ITGA9: variants seen among roughly 807,000 people sequenced by gnomAD.
The protein encoded by ITGA9 is integrin alpha-9.
In ITGA9, 56 loss-of-function variants were observed where a neutral mutation model predicts 127.8. That is an observed-to-expected ratio of 0.44 (90% CI 0.35 to 0.55). The LOEUF (loss-of-function observed/expected upper bound fraction) is 0.55, where lower values mean the gene tolerates loss of function less well. Among genes scored for constraint, ITGA9 ranks in the 20% least tolerant of loss-of-function variants. The pLI is 0.00. For missense variants in ITGA9, 1,196 were observed against 1,347.1 expected (o/e 0.89, Z 1.76); for synonymous variants, 508 against 514.5 (o/e 0.99, Z 0.17).
chr3:37,696,773 T>G (rs979087940), intron 18 of ITGA9, among the ~76,000 whole-genome samples: 2 of 152,352 alleles, frequency 1.3e-5, no homozygotes, highest in African/African-American at 2.4e-5. Flanking sequence ...CTTGAGGCAT[T>G]CCCTCTTTTA....
In ITGA9 at chr3:37,818,997, C is replaced by G. The variant is rs1442849829; in HGVS notation, c.*8C>G. ...GTCCAGAAAAACCAGTGAGCTGCCA[C>G]ACCAGTCACATGACCTGATCACTAG... On this transcript the variant is annotated 3_prime_UTR_variant, in exon 28 of 28. Transcript: ENST00000264741. The G allele has an allele frequency of 6.4e-7, 1 of 1,570,504 alleles. No individual in the cohort carries two copies. Among genetic ancestry groups the G allele is most frequent in the Non-Finnish European group, 8.8e-7 (1 of 1,140,280 alleles).
At chr3:37,800,630 G>A (rs1321441289) in intron 26 of ITGA9, among the ~76,000 whole-genome samples, 1 of 152,174 alleles carries the variant, frequency 6.6e-6, no homozygotes, top group African/African-American at 2.4e-5. Context: ...GTGGATTTAG[G>A]ATGACAGACT....
At chr3:37,737,298 G>T (rs1696375504) in intron 20 of ITGA9, among the ~76,000 whole-genome samples, 1 of 152,222 alleles carries the variant, frequency 6.6e-6, no homozygotes, top group African/African-American at 2.4e-5. Context: ...TTCCCACTTG[G>T]CTGTGTATTT....
At chr3:37,792,826 C>T (rs79686266) in intron 26 of ITGA9, among the ~76,000 whole-genome samples, 5,247 of 152,246 alleles carry the variant, frequency 0.034, 145 homozygotes, top group African/African-American at 0.065. Flanking sequence ...GCAGAGGAGA[C>T]AGAGCAAGTG....
chr3:37,667,260 C>G (rs1700594602), intron 17 of ITGA9, among the ~76,000 whole-genome samples: 1 of 152,180 alleles, frequency 6.6e-6, no homozygotes, highest in Non-Finnish European at 1.5e-5. Flanking sequence ...TTGCCAAACA[C>G]CCAACATTCT....
chr3:37,685,575 G>A (rs59501986), intron 18 of ITGA9, among the ~76,000 whole-genome samples: 18,698 of 152,086 alleles, frequency 0.12, 1,304 homozygotes, highest in South Asian at 0.23. Flanking sequence ...TTGGTAGGTG[G>A]GGGAAAGGGG....
chr3:37,604,075 C>T (rs1175631787), intron 15 of ITGA9, among the ~76,000 whole-genome samples: 1 of 152,256 alleles, frequency 6.6e-6, no homozygotes, highest in Non-Finnish European at 1.5e-5. Context: ...GCACTTCTAT[C>T]AGATGCTGGT....
At chr3:37,618,076 T>C (rs1173872315) in intron 15 of ITGA9, among the ~76,000 whole-genome samples, 1 of 152,212 alleles carries the variant, frequency 6.6e-6, no homozygotes, top group Non-Finnish European at 1.5e-5. Context: ...CTCTGTTTTT[T>C]CCCCATCTTT....
chr3:37,640,996 G>T (rs758197150), intron 16 of ITGA9, among the ~76,000 whole-genome samples: 1 of 152,192 alleles, frequency 6.6e-6, no homozygotes, highest in Non-Finnish European at 1.5e-5. Context: ...GAGCAGGTCT[G>T]ACCTGGGCTC....
intron 8 of ITGA9, among the ~76,000 whole-genome samples, chr3:37,511,758 A>G (rs1393347860): frequency 2.0e-5 from 3 of 152,154 alleles, no homozygotes; most frequent in African/African-American, 7.2e-5. Flanking sequence ...TCACTGGGGA[A>G]GGATTTCTGA....
intron 14 of ITGA9, among the ~76,000 whole-genome samples, chr3:37,539,388 G>A (rs1699244171): frequency 6.6e-6 from 1 of 152,206 alleles, no homozygotes; most frequent in South Asian, 2.1e-4. Context: ...CAGAGAAACA[G>A]AATGGAGAGA....
chr3:37,526,298 T>C (rs1460162847), intron 13 of ITGA9, among the ~76,000 whole-genome samples: 5 of 152,104 alleles, frequency 3.3e-5, no homozygotes, highest in Admixed American at 2.6e-4. Context: ...TGGGAGCTTC[T>C]AGGTAGGGGT....
intron 26 of ITGA9, among the ~76,000 whole-genome samples, chr3:37,796,323 T>C (rs1051286418): frequency 6.6e-6 from 1 of 152,210 alleles, no homozygotes; most frequent in Non-Finnish European, 1.5e-5. Flanking sequence ...TCCACAGTTA[T>C]AATGATGCAT....
At chr3:37,567,019 A>C (rs1699553244) in intron 15 of ITGA9, among the ~76,000 whole-genome samples, 1 of 152,198 alleles carries the variant, frequency 6.6e-6, no homozygotes, top group Non-Finnish European at 1.5e-5. Context: ...TGAGCCACAG[A>C]AAAGGGGCTG....
At chr3:37,798,798 T>G (rs1009885537) in intron 26 of ITGA9, among the ~76,000 whole-genome samples, 9 of 152,264 alleles carry the variant, frequency 5.9e-5, no homozygotes, top group Non-Finnish European at 1.2e-4. Flanking sequence ...CACATTTTTT[T>G]CTGGTCTTTT....
intron 16 of ITGA9, among the ~76,000 whole-genome samples, chr3:37,646,989 C>T (rs150148206): frequency 3.3e-5 from 5 of 151,896 alleles, no homozygotes; most frequent in Admixed American, 3.3e-4. Context: ...CAGAGAGATG[C>T]CTTTCAGTTC....
chr3:37,564,505 A>G (rs976018377), intron 15 of ITGA9, among the ~76,000 whole-genome samples: 2 of 152,180 alleles, frequency 1.3e-5, no homozygotes, highest in Non-Finnish European at 2.9e-5. Flanking sequence ...ATCTCATGCT[A>G]AATTTAGCTG....
At chr3:37,656,643 CA>C (rs2125649102) in intron 17 of ITGA9, among the ~76,000 whole-genome samples, 1 of 152,304 alleles carries the variant, frequency 6.6e-6, no homozygotes, top group South Asian at 2.1e-4. Flanking sequence ...CAAACAGAGA[CA>C]ATTTGACTTC....
At chr3:37,809,274 C>T (rs1459404903) in intron 27 of ITGA9, among the ~76,000 whole-genome samples, 5 of 151,814 alleles carry the variant, frequency 3.3e-5, no homozygotes, top group African/African-American at 7.3e-5. Flanking sequence ...TTTGTAGAGA[C>T]GGGGTTTCAC....
Sources: allele counts gnomAD v4.1 joint callset (sites outside exome capture counted in the v4.1 genomes callset), GRCh38; gene constraint gnomAD v4.1.1; transcripts MANE v1.5; gene names NCBI Gene and HGNC (gene_info 2026-07-23, HGNC 2026-07-21).